Variants in FBXO38 observed in about 807,000 individuals in gnomAD.
FBXO38 encodes F-box protein 38, also known as F-box only protein 38.
A neutral mutation model predicts 131.9 loss-of-function variants in FBXO38; 53 were observed. That is an observed-to-expected ratio of 0.40 (90% confidence interval 0.32 to 0.51). The LOEUF (loss-of-function observed/expected upper bound fraction) is 0.51. FBXO38 is among the 20% of genes least tolerant of loss of function. FBXO38 has a pLI of 0.53. For synonymous variants in FBXO38, 452 were observed against 505.6 expected, an observed-to-expected ratio of 0.89 and a Z score of 1.42; for missense variants, 1,076 against 1,475.6, an observed-to-expected ratio of 0.73 and a Z score of 4.44.
At chr5:148,428,059 T>G in intron 15 of FBXO38, 112 bp downstream of exon 15, 1 of 1,161,228 alleles carries the variant, frequency 8.6e-7, no homozygotes, top group Non-Finnish European at 1.2e-6. Flanking sequence ...AATTCTATTT[T>G]GGGGTTTTGT....
chr5:148,407,264 G>A (rs569088759), intron 7 of FBXO38, among the ~76,000 whole-genome samples: 18 of 152,316 alleles, frequency 1.2e-4, no homozygotes, highest in Admixed American at 1.1e-3. Context: ...GGCTACTGGT[G>A]TATTCACTAG....
chr5:148,430,968 CTGGATTG>C (rs1313793469), intron 15 of FBXO38, among the ~76,000 whole-genome samples: 1 of 152,200 alleles, frequency 6.6e-6, no homozygotes, highest in African/African-American at 2.4e-5. Flanking sequence ...CACCCCAAGA[CTGGATTG>C]ATCTGCCTTT....
chr5:148,427,124 C>T (rs1253806745), intron 14 of FBXO38, 89 bp from the exon 15 acceptor site: 4 of 1,438,334 alleles, frequency 2.8e-6, no homozygotes, highest in East Asian at 4.7e-5. Flanking sequence ...TACATTATTT[C>T]CTGTTCCAAA....
At chr5:148,393,028 G>C (rs964194374) in intron 1 of FBXO38, among the ~76,000 whole-genome samples, 18 of 151,836 alleles carry the variant, frequency 1.2e-4, no homozygotes, top group Non-Finnish European at 2.4e-4. Flanking sequence ...TTATTTTTCC[G>C]GAGGCCTCTT....
chr5:148,386,207 T>G (rs558147429), intron 1 of FBXO38, among the ~76,000 whole-genome samples: 1 of 152,080 alleles, frequency 6.6e-6, no homozygotes, highest in Non-Finnish European at 1.5e-5. Context: ...TCTAGAAGCC[T>G]TTCTCCAAGC....
intron 5 of FBXO38, 40 bp from the exon 6 acceptor site, chr5:148,404,645 A>T: frequency 6.7e-7 from 1 of 1,503,090 alleles, no homozygotes; most frequent in Non-Finnish European, 8.9e-7. Flanking sequence ...TATTTTTGTG[A>T]TTTTTTTCTT....
intron 12 of FBXO38, among the ~76,000 whole-genome samples, chr5:148,422,063 C>A (rs1047307124): frequency 6.8e-6 from 1 of 146,276 alleles, no homozygotes; most frequent in Admixed American, 6.8e-5. Flanking sequence ...TTTTTTTTTA[C>A]CTAAATGTTT....
chr5:148,441,097 G>A (rs1174321979), intron 20 of FBXO38, 27 bp from the exon 21 acceptor site: 1 of 1,557,186 alleles, frequency 6.4e-7, no homozygotes, highest in South Asian at 1.1e-5. Context: ...TCCCACGCCA[G>A]TTAGCAATGT....
Position 148,439,806 on chromosome 5 carries a change from T to G in FBXO38, c.3170+14T>G. Reference sequence around the variant, plus strand: ...AAACATCAATCAGTAAGTAACTTTGTGGCCCTTAAAGGCCTTTTGAGTCAT... The same window carrying G: ...AAACATCAATCAGTAAGTAACTTTGGGGCCCTTAAAGGCCTTTTGAGTCAT... On this transcript the variant is annotated intron_variant, in intron 19 of 21. Transcript: ENST00000340253. 6.2e-7 allele frequency: 1 copy of G among 1,613,338 alleles called. No homozygotes were observed. Among genetic ancestry groups the G allele is most frequent in the Non-Finnish European group, 8.5e-7 (1 of 1,179,558 alleles).
In FBXO38 at chr5:148,439,594, A is replaced by AT. The variant is rs1754554567; in HGVS notation, c.3025-50dup. On this transcript the variant is annotated intron_variant, in intron 18 of 21. Transcript: ENST00000340253. The stretch of plus-strand genomic sequence containing the variant: ...AGATTGTTCAAGCTCTCGGAGAGAG[A>AT]TTTCTAAGGCATTCTCTTTGTTGAA... The AT allele has an allele frequency of 1.9e-6, 3 of 1,554,788 alleles. No homozygotes were observed. In the African/African-American group the frequency reaches 4.1e-5, roughly 21 times the overall value.
At chr5:148,431,854 A>G (rs1401695412) in intron 15 of FBXO38, among the ~76,000 whole-genome samples, 1 of 152,036 alleles carries the variant, frequency 6.6e-6, no homozygotes, top group South Asian at 2.1e-4. Flanking sequence ...TCCTTGGAGG[A>G]AGTTTGATGG....
rs1032956278 is a variant in FBXO38 at position 148,440,656 on chromosome 5, A to G, written c.3274+129A>G. The G allele has an allele frequency of 3.1e-5, 18 of 584,234 alleles. No individual in the cohort carries two copies. In the South Asian group the frequency reaches 3.6e-4, roughly 12 times the overall value. The allele number at this position is 584,234 out of a possible 1,614,324, so 36.2% of individuals were successfully genotyped here. ...AGAGTTCAAGACCGGCCTGGGAAAC[A>G]AAACCTGGCCCTTTCTCATTCACGG... On this transcript the variant is annotated intron_variant, in intron 20 of 21. Transcript: ENST00000340253.
chr5:148,426,083 A>G (rs1753699625), intron 14 of FBXO38, among the ~76,000 whole-genome samples: 1 of 152,184 alleles, frequency 6.6e-6, no homozygotes, highest in African/African-American at 2.4e-5. Flanking sequence ...TGCTTAATGA[A>G]TATTGGTGGC....
At chr5:148,395,788 T>C (rs775255448) in intron 2 of FBXO38, among the ~76,000 whole-genome samples, 1 of 152,124 alleles carries the variant, frequency 6.6e-6, no homozygotes, top group Non-Finnish European at 1.5e-5. Context: ...TTTTTTTTAC[T>C]GCTTACTATT....
intron 1 of FBXO38, among the ~76,000 whole-genome samples, chr5:148,387,881 G>C (rs895552073): frequency 6.6e-6 from 1 of 151,928 alleles, no homozygotes; most frequent in Non-Finnish European, 1.5e-5. Flanking sequence ...CAGTAGAGAT[G>C]GGGTTTCACT....
chr5:148,399,100 G>A lies in FBXO38; in HGVS notation c.230G>A (p.Cys77Tyr). The A allele has an allele frequency of 6.2e-7, 1 of 1,613,034 alleles. No homozygotes were observed. The highest frequency in any genetic ancestry group is 8.5e-7 in the Non-Finnish European group (1 of 1,179,472). The change falls in exon 3 of 22, where the codon TGT becomes TAT. Residue 77 changes from cysteine (C) to tyrosine (Y), a missense_variant. Cys to Tyr is a radical substitution (Grantham distance 194). Around this residue, in one of 8 missense-constraint regions of FBXO38, gnomAD observed 96 missense variants for 193.9 expected, o/e 0.50. Coordinates refer to ENST00000340253, the MANE Select transcript of FBXO38 (RefSeq NM_205836.3). ...CGAGTTGTGAGAGTTGTAGATCTCTGTGCAGGGCGGTGGTGGGAATACATG... is the reference window on the plus strand; with the variant it reads ...CGAGTTGTGAGAGTTGTAGATCTCTATGCAGGGCGGTGGTGGGAATACATG... Reference protein sequence around the residue: ...YLRVVRVVDLCAGRWWEYMPS... With the variant: ...YLRVVRVVDLYAGRWWEYMPS...
chr5:148,414,045 T>G, intron 9 of FBXO38, 91 bp from the exon 10 acceptor site: 1 of 1,292,728 alleles, frequency 7.7e-7, no homozygotes, highest in East Asian at 2.4e-5. Flanking sequence ...GTAGAGACTT[T>G]TTATACTGAC....
chr5:148,384,197 C>G (rs959414830), intron 1 of FBXO38, among the ~76,000 whole-genome samples, 158 bp downstream of exon 1: 10 of 152,142 alleles, frequency 6.6e-5, no homozygotes, highest in Admixed American at 2.6e-4. Context: ...CTTGAGAGAT[C>G]AGGGGTTGAA....
intron 6 of FBXO38, among the ~76,000 whole-genome samples, chr5:148,405,738 CTCTT>C (rs1343440839): frequency 2.6e-5 from 4 of 152,080 alleles, no homozygotes; most frequent in African/African-American, 4.8e-5. Context: ...TACTTTTCTC[CTCTT>C]TCTTTTTCTT....
Sources: allele counts gnomAD v4.1 joint callset (sites outside exome capture counted in the v4.1 genomes callset), GRCh38; gene constraint gnomAD v4.1.1; regional missense constraint gnomAD v4.1.1; transcripts MANE v1.5; gene names NCBI Gene and HGNC (gene_info 2026-07-23, HGNC 2026-07-21).